Variants in PTDSS1 observed in about 807,000 individuals in gnomAD.
PTDSS1 encodes PSS-1.
PTDSS1 carries 45 observed loss-of-function variants against 70.5 expected under a neutral mutation model. The observed-to-expected ratio is 0.64, with a 90% CI of 0.50 to 0.82. PTDSS1 has a LOEUF of 0.82. PTDSS1 is among the 40% of genes least tolerant of loss of function. PTDSS1 has a pLI of 0.00. For synonymous variants in PTDSS1, 188 were observed against 203.8 expected (o/e 0.92, Z 0.66); for missense variants, 417 against 586.1 (o/e 0.71, Z 2.98).
At chr8:96,304,332 G>A (rs1811094215) in intron 7 of PTDSS1, 151 bp downstream of exon 7, 2 of 957,648 alleles carry the variant, frequency 2.1e-6, no homozygotes, top group Non-Finnish European at 1.5e-6. Flanking sequence ...GAATAATTAA[G>A]CAAAGTGATG....
intron 12 of PTDSS1, among the ~76,000 whole-genome samples, chr8:96,331,587 A>AG (rs1294731477): frequency 2.0e-5 from 3 of 151,728 alleles, no homozygotes; most frequent in East Asian, 1.9e-4. Flanking sequence ...AAAAAAAAAA[A>AG]GAAAAGAAAA....
At chr8:96,314,129 T>A (rs1188810396) in intron 9 of PTDSS1, among the ~76,000 whole-genome samples, 1 of 152,066 alleles carries the variant, frequency 6.6e-6, no homozygotes, top group Non-Finnish European at 1.5e-5. Flanking sequence ...ACTGCAGCCT[T>A]GACCTCCCAG....
At position 96,262,266 on chromosome 8, in the gene PTDSS1, GAGGC is replaced by G; in HGVS notation, c.179+48_179+51del. ...GGGGGCGCGTCCAAGGGCTAGGGAA[GAGGC>G]GGGAGGGAGGGTGGCGGGGAGGGGG... On this transcript the variant is annotated intron_variant, in intron 1 of 12. Coordinates refer to ENST00000517309, the MANE Select transcript of PTDSS1 (RefSeq NM_014754.3). The surrounding 1 kb of genome is among the most constrained non-coding windows in gnomAD (Gnocchi z 4.4). The G allele has an allele frequency of 6.6e-7, 1 of 1,507,992 alleles. No homozygotes were observed. The allele number at this position is 1,507,992 out of a possible 1,614,324, so 93.4% of individuals were successfully genotyped here. A position where few individuals can be genotyped will look rare whatever the true frequency, so the allele number is the denominator to read the frequency against.
rs762428647 is a variant in PTDSS1 at position 96,334,806 on chromosome 8, T to C, written c.*1240T>C. The C allele has an allele frequency of 3.9e-5, 6 of 152,242 alleles. No homozygotes were observed. The highest frequency in any genetic ancestry group is 7.3e-5 in the Non-Finnish European group (5 of 68,042). 9.4% of individuals were successfully genotyped at this position (152,242 alleles called of 1,614,324 possible). On this transcript the variant is annotated 3_prime_UTR_variant, in exon 13 of 13. Transcript: ENST00000517309. ...TGGTAATGGTTTCCAAGTTGGACTT[T>C]TTTTTCCTCTAACAAGAGGCCAGTA...
intron 2 of PTDSS1, among the ~76,000 whole-genome samples, chr8:96,281,540 G>A (rs924736194): frequency 3.9e-5 from 6 of 152,112 alleles, no homozygotes; most frequent in African/African-American, 1.4e-4. Flanking sequence ...CCCTTTCCCT[G>A]GTCTTGCTTT....
intron 2 of PTDSS1, among the ~76,000 whole-genome samples, chr8:96,280,130 A>G (rs190946815): frequency 5.1e-4 from 78 of 152,258 alleles, no homozygotes; most frequent in Non-Finnish European, 7.5e-4. Context: ...CTTATTTTCT[A>G]ATTTCTGACG....
At chr8:96,318,831 T>C (rs1811331817) in intron 9 of PTDSS1, among the ~76,000 whole-genome samples, 1 of 152,000 alleles carries the variant, frequency 6.6e-6, no homozygotes, top group Non-Finnish European at 1.5e-5. Context: ...ATCTACACTT[T>C]TGATGATGGC....
At chr8:96,307,855 A>G (rs1265781882) in intron 8 of PTDSS1, among the ~76,000 whole-genome samples, 1 of 152,244 alleles carries the variant, frequency 6.6e-6, no homozygotes, top group African/African-American at 2.4e-5. Context: ...AGTACTAAAC[A>G]TTCCAAAATA....
At chr8:96,275,195 A>T (rs1810623086) in intron 2 of PTDSS1, among the ~76,000 whole-genome samples, 1 of 152,138 alleles carries the variant, frequency 6.6e-6, no homozygotes, top group Non-Finnish European at 1.5e-5. Context: ...CCCAGGCTGG[A>T]GTGCAATAGC....
At position 96,330,196 on chromosome 8, in the gene PTDSS1, T is replaced by A; in HGVS notation, c.1174-17T>A. 6.2e-7 allele frequency: 1 copy of A among 1,604,194 alleles called. No homozygotes were observed. Among genetic ancestry groups the A allele is most frequent in the Non-Finnish European group, 8.5e-7 (1 of 1,171,080 alleles). Reference sequence around the variant, plus strand: ...ATTGAACTTTTTTGTGCAGCATCATTTGTTTTTCTCTTCCAGGCTTTCACC... The same window carrying A: ...ATTGAACTTTTTTGTGCAGCATCATATGTTTTTCTCTTCCAGGCTTTCACC... On this transcript the variant is annotated splice_polypyrimidine_tract_variant and intron_variant, in intron 10 of 12. Transcript: ENST00000517309.
intron 5 of PTDSS1, among the ~76,000 whole-genome samples, chr8:96,298,134 C>T (rs138382355): frequency 3.0e-4 from 45 of 152,242 alleles, no homozygotes; most frequent in African/African-American, 1.0e-3. Flanking sequence ...GGCTCCATCT[C>T]GTGGCTTGGA....
At chr8:96,295,836 G>A (rs1055542869) in intron 5 of PTDSS1, among the ~76,000 whole-genome samples, 5 of 152,090 alleles carry the variant, frequency 3.3e-5, no homozygotes, top group Admixed American at 6.6e-5. Flanking sequence ...AACAGAATTC[G>A]TCCACATGCG....
intron 1 of PTDSS1, among the ~76,000 whole-genome samples, chr8:96,268,994 G>A (rs1019412805): frequency 6.6e-6 from 1 of 152,202 alleles, no homozygotes; most frequent in Non-Finnish European, 1.5e-5. Flanking sequence ...AGGCACTAGA[G>A]CTACCTTGGG....
At chr8:96,273,427 T>C (rs368372817) in intron 2 of PTDSS1, 37 bp downstream of exon 2, 4 of 1,498,856 alleles carry the variant, frequency 2.7e-6, no homozygotes, top group Admixed American at 4.1e-5. Flanking sequence ...TTCTCCTATA[T>C]TGTGCCTTTC....
intron 9 of PTDSS1, among the ~76,000 whole-genome samples, chr8:96,314,092 G>C (rs191646562): frequency 7.6e-4 from 115 of 152,250 alleles, no homozygotes; most frequent in African/African-American, 2.7e-3. Flanking sequence ...TGCCCAGGCT[G>C]GAGTTGAGTG....
rs574976237 is a variant in PTDSS1 at position 96,298,663 on chromosome 8, A to T, written c.601-1031A>T. 3.3e-5 allele frequency among the ~76,000 whole-genome samples: 5 copies of T among 152,332 alleles called. No individual in the cohort carries two copies. In the East Asian group the frequency reaches 9.6e-4, roughly 29 times the overall value. ...CCTCTCCAGGAAAGTTCCAGAGGCC[A>T]AAAGAACCTTCAGCCTCAGTCAGAA... On this transcript the variant is annotated intron_variant, in intron 5 of 12. Coordinates refer to ENST00000517309, the MANE Select transcript of PTDSS1 (RefSeq NM_014754.3).
intron 1 of PTDSS1, among the ~76,000 whole-genome samples, chr8:96,270,337 A>G (rs1586180950): frequency 6.6e-6 from 1 of 152,120 alleles, no homozygotes. Context: ...GTTCTATTTC[A>G]TGATTAACTA....
chr8:96,317,429 C>T (rs1044235167), intron 9 of PTDSS1, among the ~76,000 whole-genome samples: 3 of 152,002 alleles, frequency 2.0e-5, no homozygotes, highest in African/African-American at 7.3e-5. Context: ...CTCAAAAGCA[C>T]GGTCTTCAGA....
At chr8:96,282,061 G>A (rs1810745960) in intron 2 of PTDSS1, among the ~76,000 whole-genome samples, 1 of 152,112 alleles carries the variant, frequency 6.6e-6, no homozygotes, top group South Asian at 2.1e-4. Flanking sequence ...CAAATAATAG[G>A]TCATACAGTT....
Sources: allele counts gnomAD v4.1 joint callset (sites outside exome capture counted in the v4.1 genomes callset), GRCh38; gene constraint gnomAD v4.1.1; non-coding constraint Gnocchi (gnomAD v3.1); transcripts MANE v1.5; gene names NCBI Gene and HGNC (gene_info 2026-07-23, HGNC 2026-07-21).